The following GPBP1L1 variants were observed in gnomAD, a reference collection of about 807,000 sequenced individuals.
GPBP1L1 encodes vasculin-like protein 1.
GPBP1L1 carries 23 observed loss-of-function variants against 52.5 expected under a neutral mutation model. That is an observed-to-expected ratio of 0.44 (90% CI 0.32 to 0.62). GPBP1L1 has a LOEUF of 0.62. GPBP1L1 is among the 20% of genes least tolerant of loss of function. GPBP1L1 has a pLI of 0.06. For missense variants in GPBP1L1, 596 were observed against 579.3 expected (o/e 1.03, Z -0.30); for synonymous variants, 243 against 203.1 (o/e 1.20, Z -1.67).
intron 2 of GPBP1L1, among the ~76,000 whole-genome samples, chr1:45,662,527 T>C (rs547685889): frequency 2.6e-5 from 4 of 152,324 alleles, no homozygotes; most frequent in Non-Finnish European, 5.9e-5. Context: ...GTTTGGAAGA[T>C]ATTTCTCATA....
At position 45,660,395 on chromosome 1, in the gene GPBP1L1, G is replaced by A. The variant is rs1644934596; in HGVS notation, c.-267C>T. The A allele has an allele frequency of 1.0e-6, 1 of 983,972 alleles. No homozygotes were observed. The highest frequency in any genetic ancestry group is 1.8e-5 in the African/African-American group (1 of 57,112). 61.0% of individuals were successfully genotyped at this position (983,972 alleles called of 1,614,324 possible). A position where few individuals can be genotyped will look rare whatever the true frequency, so the allele number is the denominator to read the frequency against. ...TTTGGTTCCTGACACGTTTCCAAAA[G>A]GGGAAAGGGGAAAAGGGGAAGGGGG... On this transcript the variant is annotated 5_prime_UTR_variant, in exon 3 of 13. Coordinates refer to ENST00000355105, the MANE Select transcript of GPBP1L1 (RefSeq NM_021639.5).
intron 6 of GPBP1L1, among the ~76,000 whole-genome samples, chr1:45,648,283 C>T (rs1212583089): frequency 1.3e-5 from 2 of 152,150 alleles, no homozygotes; most frequent in African/African-American, 2.4e-5. Flanking sequence ...TTACTTTGTA[C>T]TAGTCAATCC....
intron 6 of GPBP1L1, among the ~76,000 whole-genome samples, chr1:45,654,048 C>G (rs973629054): frequency 1.3e-5 from 2 of 152,056 alleles, no homozygotes; most frequent in African/African-American, 4.8e-5. Context: ...TAAAGATACT[C>G]TGAAAATGCT....
intron 2 of GPBP1L1, among the ~76,000 whole-genome samples, chr1:45,676,467 G>C (rs1472366546): frequency 6.6e-6 from 1 of 151,990 alleles, no homozygotes. Context: ...AGCCAGCTTT[G>C]GGAGGCCGAG....
At chr1:45,672,232 G>C (rs544438642) in intron 2 of GPBP1L1, among the ~76,000 whole-genome samples, 18 of 151,656 alleles carry the variant, frequency 1.2e-4, no homozygotes, top group Non-Finnish European at 2.5e-4. Flanking sequence ...ATGGTGGCCA[G>C]GCGCTTGTAG....
chr1:45,640,750 T>C (rs1354392997), intron 7 of GPBP1L1, among the ~76,000 whole-genome samples: 3 of 152,204 alleles, frequency 2.0e-5, no homozygotes, highest in Non-Finnish European at 4.4e-5. Context: ...GGCTCATGCC[T>C]GTAATCTCAG....
chr1:45,668,183 G>A (rs942501637), intron 2 of GPBP1L1, among the ~76,000 whole-genome samples: 7 of 152,042 alleles, frequency 4.6e-5, no homozygotes, highest in African/African-American at 1.7e-4. Flanking sequence ...TTCCCATTAA[G>A]TTAATCTAAC....
rs778113669 is a variant in GPBP1L1 at position 45,647,166 on chromosome 1, AT to A, written c.478-4668del. Among the ~76,000 whole-genome samples the A allele has an allele frequency of 3.6e-3, 410 of 112,598 alleles. 3 individuals are homozygous for A. Among genetic ancestry groups the A allele is most frequent in the Middle Eastern group, 0.017 (3 of 176 alleles). 73.9% of individuals were successfully genotyped at this position (112,598 alleles called of 152,430 possible). A position where few individuals can be genotyped will look rare whatever the true frequency, so the allele number is the denominator to read the frequency against. ...TTTTTTTTTAAACCAACTTCTTAGG[AT>A]TTTTTTTTTTTTTTTTCTGAGACCA... On this transcript the variant is annotated intron_variant, in intron 6 of 12. Coordinates refer to ENST00000355105, the MANE Select transcript of GPBP1L1 (RefSeq NM_021639.5).
At chr1:45,676,166 CTTATT>C (rs1049818020) in intron 2 of GPBP1L1, among the ~76,000 whole-genome samples, 12 of 152,164 alleles carry the variant, frequency 7.9e-5, no homozygotes, top group African/African-American at 1.9e-4. Flanking sequence ...TTTAGTACTA[CTTATT>C]TTATCTCCAG....
At chr1:45,673,246 T>C (rs1270072559) in intron 2 of GPBP1L1, among the ~76,000 whole-genome samples, 2 of 152,332 alleles carry the variant, frequency 1.3e-5, no homozygotes, top group East Asian at 3.9e-4. Flanking sequence ...CTACCCTGAT[T>C]GCTTCTATCT....
rs753138793 is a variant in GPBP1L1 at position 45,628,297 on chromosome 1, T to C, written c.1384A>G (p.Thr462Ala). The C allele has an allele frequency of 2.5e-6, 4 of 1,614,076 alleles. No homozygotes were observed. The Admixed American group carries it at 6.7e-5, about 27-fold the overall frequency. The change falls in exon 13 of 13, where the codon ACC becomes GCC. Residue 462 changes from threonine to alanine, a missense_variant. By Grantham distance (58) the Thr-to-Ala change is moderately conservative (BLOSUM62 0). Transcript: ENST00000355105. ...TCATCTGATGTTTCACTGCTACTGG[T>C]TTCGGTGTCTGAGTCCTCAAACTCT... Reference protein sequence around the residue: ...KAEFEDSDTETSSSETSDDDA... With the variant: ...KAEFEDSDTEASSSETSDDDA...
intron 6 of GPBP1L1, among the ~76,000 whole-genome samples, chr1:45,644,279 TTCATTTTA>T (rs1253671434): frequency 3.9e-5 from 6 of 152,234 alleles, no homozygotes; most frequent in Admixed American, 3.3e-4. Flanking sequence ...GTTTCCTTGT[TTCATTTTA>T]ATAGGCATGT....
intron 4 of GPBP1L1, 44 bp downstream of exon 4, chr1:45,658,984 C>A (rs1481973901): frequency 1.5e-6 from 2 of 1,338,286 alleles, no homozygotes; most frequent in Admixed American, 3.4e-5. Flanking sequence ...CACCCCCAAA[C>A]CCTCTCATAT....
chr1:45,634,310 A>G lies in GPBP1L1; in HGVS notation c.745-74T>C, dbSNP rs1235039556. The stretch of plus-strand genomic sequence containing the variant: ...AGCTCAGCTTATAAAATCATAAAGC[A>G]AAGAGTGAAATGTTACATGAGAACA... On this transcript the variant is annotated intron_variant, in intron 8 of 12. Transcript: ENST00000355105. 47 of 1,426,366 alleles carry G rather than the reference A, an allele frequency of 3.3e-5. No homozygotes were observed. In the South Asian group the frequency reaches 4.2e-4, roughly 13 times the overall value. 88.4% of individuals were successfully genotyped at this position (1,426,366 alleles called of 1,614,324 possible). A position where few individuals can be genotyped will look rare whatever the true frequency, so the allele number is the denominator to read the frequency against.
Position 45,654,730 on chromosome 1 carries a change from T to C in GPBP1L1, c.290A>G (p.His97Arg), listed in dbSNP as rs988091051. Residue 97 changes from histidine (H) to arginine (R), a missense_variant, in exon 6 of 13, where the codon CAT becomes CGT. Transcript: ENST00000355105. ...GCCATCATGACCTCGGGAAGAGCTA[T>C]GCCAACCAGATGGGTTCCCTGTGAT... ...AGITGNPSGW[H>R]SSSRGHDGMS... The C allele has an allele frequency of 3.1e-6, 5 of 1,614,106 alleles. No homozygotes were observed. In the African/African-American group the frequency reaches 6.7e-5, roughly 22 times the overall value.
At chr1:45,659,310 C>T (rs1179742422) in intron 3 of GPBP1L1, among the ~76,000 whole-genome samples, 168 bp from the exon 4 acceptor site, 1 of 152,132 alleles carries the variant, frequency 6.6e-6, no homozygotes, top group East Asian at 1.9e-4. Flanking sequence ...TAAATAAAAG[C>T]AATTTTTGTT....
At chr1:45,661,817 A>G (rs1644950681) in intron 2 of GPBP1L1, among the ~76,000 whole-genome samples, 1 of 152,116 alleles carries the variant, frequency 6.6e-6, no homozygotes, top group South Asian at 2.1e-4. Context: ...AAATTTTCCA[A>G]TCAGCTATCT....
intron 2 of GPBP1L1, among the ~76,000 whole-genome samples, chr1:45,671,209 CTTTTT>C (rs5773890): frequency 1.1e-4 from 11 of 99,828 alleles, no homozygotes; most frequent in African/African-American, 1.5e-4. Context: ...GGCTCTCTGG[CTTTTT>C]TTTTTTTTTT....
At chr1:45,664,660 TCA>T (rs1404495946) in intron 2 of GPBP1L1, among the ~76,000 whole-genome samples, 1 of 144,714 alleles carries the variant, frequency 6.9e-6, no homozygotes, top group African/African-American at 2.5e-5. Context: ...CTCAAGCATC[TCA>T]CAGTTTTTTT....
Sources: gnomAD v4.1 joint callset for allele counts (sites outside exome capture counted in the v4.1 genomes callset) on GRCh38, gnomAD v4.1.1 for gene constraint, MANE v1.5 for transcripts, NCBI Gene and HGNC (gene_info 2026-07-23, HGNC 2026-07-21) for gene names.